The following PTPRN2 variants were observed in gnomAD, a reference collection of about 807,000 sequenced individuals.
PTPRN2 encodes protein tyrosine phosphatase receptor type N2.
A neutral mutation model predicts 118.8 loss-of-function variants in PTPRN2; 74 were observed. The ratio of observed to expected loss-of-function variants is 0.62; its 90% CI spans 0.52 to 0.76. PTPRN2 has a LOEUF of 0.76. Ranked by LOEUF, PTPRN2 falls within the 30% of genes least tolerant of loss-of-function variation. PTPRN2 has a pLI of 0.00. For synonymous variants in PTPRN2, 641 were observed against 608.0 expected (o/e 1.05, Z -0.80); for missense variants, 1,481 against 1,394.4 (o/e 1.06, Z -0.99).
At chr7:157,670,928 C>T (rs1286267718) in intron 13 of PTPRN2, among the ~76,000 whole-genome samples, 1 of 152,094 alleles carries the variant, frequency 6.6e-6, no homozygotes, top group Non-Finnish European at 1.5e-5. Context: ...TTACAAGAAA[C>T]TTTTGCACCT....
rs146700245 is a variant in PTPRN2, at chr7:157,656,498, C to T, written c.2055G>A (p.Pro685=). 4.8e-5 allele frequency: 75 copies of T among 1,553,202 alleles called. No individual in the cohort carries two copies. Among genetic ancestry groups the T allele is most frequent in the South Asian group, 7.1e-5 (6 of 84,856 alleles). ...ATRPPDRPEG[P]HTSRISSVSS... Reference sequence around the variant, plus strand: ...AGACGCTGCTGATGCGTGACGTGTGCGGGCCCTCAGGTCGGTCTGGTGGCC... The same window carrying T: ...AGACGCTGCTGATGCGTGACGTGTGTGGGCCCTCAGGTCGGTCTGGTGGCC... Residue 685 remains proline (P), a synonymous_variant, in exon 14 of 23, where the codon CCG becomes CCA. Coordinates refer to ENST00000389418, the MANE Select transcript of PTPRN2 (RefSeq NM_002847.5).
chr7:157,985,258 A>G (rs577381036), intron 11 of PTPRN2, among the ~76,000 whole-genome samples: 1 of 152,348 alleles, frequency 6.6e-6, no homozygotes, highest in African/African-American at 2.4e-5. Context: ...TTTAGAAAAA[A>G]GCAGCAGCTC....
chr7:158,079,884 G>A (rs139500179), intron 11 of PTPRN2, among the ~76,000 whole-genome samples: 115 of 152,290 alleles, frequency 7.6e-4, no homozygotes, highest in African/African-American at 2.6e-3. Context: ...CTGCTTTTCC[G>A]AGTTGTACCC....
chr7:157,698,317 A>G (rs951019151), intron 12 of PTPRN2, among the ~76,000 whole-genome samples: 6 of 152,370 alleles, frequency 3.9e-5, no homozygotes, highest in Middle Eastern at 3.4e-3. Flanking sequence ...AATCACCAAC[A>G]CAACTCAGCT....
chr7:157,654,540 G>A (rs1002357278), intron 14 of PTPRN2, among the ~76,000 whole-genome samples: 3 of 152,168 alleles, frequency 2.0e-5, no homozygotes, highest in Admixed American at 1.3e-4. Context: ...AGTTGTGGGC[G>A]GTGGTGAGAC....
Position 157,809,772 on chromosome 7 carries a change from G to A in PTPRN2, c.1788+88901C>T, listed in dbSNP as rs528105059. Among the ~76,000 whole-genome samples the A allele has an allele frequency of 2.1e-3, 325 of 152,208 alleles. 1 individual carries two copies. Among genetic ancestry groups the A allele is most frequent in the Middle Eastern group, 3.4e-3 (1 of 294 alleles). On this transcript the variant is annotated intron_variant, in intron 12 of 22. Transcript: ENST00000389418. ...CACCTGGATCTCCAGCTTCCGGCCCGCGGTCCCGTCAGACAATTCATTTCT... is the reference window on the plus strand; with the variant it reads ...CACCTGGATCTCCAGCTTCCGGCCCACGGTCCCGTCAGACAATTCATTTCT...
Position 158,502,736 on chromosome 7 carries a change from C to CA in PTPRN2, c.113-12952_113-12951insT, listed in dbSNP as rs138570446. Among the ~76,000 whole-genome samples the CA allele has an allele frequency of 2.1e-3, 325 of 152,270 alleles. 7 individuals carry two copies. In the East Asian group the frequency reaches 0.034, roughly 16 times the overall value. On this transcript the variant is annotated intron_variant, in intron 1 of 22. Coordinates refer to ENST00000389418, the MANE Select transcript of PTPRN2 (RefSeq NM_002847.5). Reference sequence around the variant, plus strand: ...ATAGATTCTTTTCTTGTCAAATTCACGCTGAGCCACTTTTCCCTCACCCCC... The same window carrying CA: ...ATAGATTCTTTTCTTGTCAAATTCACAGCTGAGCCACTTTTCCCTCACCCCC...
intron 2 of PTPRN2, among the ~76,000 whole-genome samples, chr7:158,320,712 G>A (rs530099301): frequency 9.9e-5 from 15 of 152,096 alleles, no homozygotes; most frequent in Non-Finnish European, 1.2e-4. Context: ...CCTTATCTCC[G>A]TATTTAAAGG....
chr7:158,008,653 G>A (rs1805833807), intron 11 of PTPRN2, among the ~76,000 whole-genome samples: 3 of 152,262 alleles, frequency 2.0e-5, no homozygotes, highest in African/African-American at 7.2e-5. Flanking sequence ...AGGCAGCAGT[G>A]ACGTGTCTCC....
rs1333466158 is a variant in PTPRN2 at position 158,320,114 on chromosome 7, C to T, written c.164-3182G>A. On this transcript the variant is annotated intron_variant, in intron 2 of 22. Transcript: ENST00000389418. Reference sequence around the variant, plus strand: ...ACACTCACATAGTCTCCCTCACACACACACACAGCCTCCCTCACACACACA... The same window carrying T: ...ACACTCACATAGTCTCCCTCACACATACACACAGCCTCCCTCACACACACA... 5.7e-4 allele frequency among the ~76,000 whole-genome samples: 55 copies of T among 96,244 alleles called. 9 individuals are homozygous for T. The highest frequency in any genetic ancestry group is 4.6e-3 in the Middle Eastern group (1 of 218). 63.1% of individuals were successfully genotyped at this position (96,244 alleles called of 152,430 possible).
chr7:158,287,993 C>T (rs895499700), intron 3 of PTPRN2, among the ~76,000 whole-genome samples: 1 of 152,056 alleles, frequency 6.6e-6, no homozygotes, highest in South Asian at 2.1e-4. Context: ...TTAGGTTCTC[C>T]AGTTTTTAGC....
intron 2 of PTPRN2, among the ~76,000 whole-genome samples, chr7:158,489,444 CT>C (rs1437620351): frequency 6.6e-6 from 1 of 152,198 alleles, no homozygotes; most frequent in Admixed American, 6.5e-5. Flanking sequence ...GAGACTCTGT[CT>C]CAAAAAAATT....
chr7:158,109,760 T>A (rs1312364055), intron 10 of PTPRN2, among the ~76,000 whole-genome samples: 1 of 151,560 alleles, frequency 6.6e-6, no homozygotes, highest in Non-Finnish European at 1.5e-5. Context: ...ATATCACCCC[T>A]GTGTGAAGCG....
At chr7:158,351,527 C>T (rs563830371) in intron 2 of PTPRN2, among the ~76,000 whole-genome samples, 1 of 152,292 alleles carries the variant, frequency 6.6e-6, no homozygotes, top group African/African-American at 2.4e-5. Flanking sequence ...TTAAAGAATG[C>T]TAAAACATTA....
intron 12 of PTPRN2, among the ~76,000 whole-genome samples, chr7:157,870,592 C>A (rs1349892671): frequency 2.6e-5 from 4 of 152,214 alleles, no homozygotes; most frequent in Non-Finnish European, 4.4e-5. Flanking sequence ...AGACATGTTA[C>A]AACAAGTTAG....
At chr7:157,909,387 G>C (rs1014597158) in intron 11 of PTPRN2, among the ~76,000 whole-genome samples, 2 of 149,610 alleles carry the variant, frequency 1.3e-5, no homozygotes, top group East Asian at 1.9e-4. Flanking sequence ...TCTATACACT[G>C]GGGGGGGGAG....
chr7:157,873,968 T>C (rs1795554617), intron 12 of PTPRN2, among the ~76,000 whole-genome samples: 1 of 152,164 alleles, frequency 6.6e-6, no homozygotes, highest in Admixed American at 6.5e-5. Context: ...GCTCTAGGTC[T>C]GCCACAACTC....
In PTPRN2 at chr7:157,985,941, G is replaced by A. The variant is rs562660931; in HGVS notation, c.1724-87204C>T. ...CAGCCAGACAGCCCACCTGGCTGACGAGACCCGGCCTCGCTTAGAAAGCTC... is the reference window on the plus strand; with the variant it reads ...CAGCCAGACAGCCCACCTGGCTGACAAGACCCGGCCTCGCTTAGAAAGCTC... On this transcript the variant is annotated intron_variant, in intron 11 of 22. Coordinates refer to ENST00000389418, the MANE Select transcript of PTPRN2 (RefSeq NM_002847.5). Among the ~76,000 whole-genome samples the A allele has an allele frequency of 1.7e-3, 256 of 152,240 alleles. 1 individual carries two copies. The highest frequency in any genetic ancestry group is 5.7e-3 in the African/African-American group (238 of 41,558).
intron 14 of PTPRN2, among the ~76,000 whole-genome samples, chr7:157,644,477 G>A (rs1804900732): frequency 6.6e-6 from 1 of 152,156 alleles, no homozygotes; most frequent in South Asian, 2.1e-4. Context: ...GCCTCTCCCA[G>A]GAGCCCCATT....
Sources: allele counts gnomAD v4.1 joint callset (sites outside exome capture counted in the v4.1 genomes callset), GRCh38; gene constraint gnomAD v4.1.1; transcripts MANE v1.5; gene names NCBI Gene and HGNC (gene_info 2026-07-23, HGNC 2026-07-21).